Variants in CYP2C19 observed in about 807,000 individuals in gnomAD.
CYP2C19 encodes the protein cytochrome P450 family 2 subfamily C member 19, also known as cytochrome P450 2C19.
CYP2C19 carries 59 observed loss-of-function variants against 40.9 expected under a neutral mutation model. The observed-to-expected ratio is 1.44, with a 90% CI of 1.17 to 1.79. The LOEUF (loss-of-function observed/expected upper bound fraction) is 1.79. Ranked by LOEUF, CYP2C19 falls within the 40% of genes most tolerant of loss-of-function variation. CYP2C19 has a pLI of 0.00. For missense variants in CYP2C19, 754 were observed against 596.9 expected (o/e 1.26, Z -2.74); for synonymous variants, 253 against 208.7 (o/e 1.21, Z -1.83).
intron 5 of CYP2C19, among the ~76,000 whole-genome samples, chr10:94,792,250 G>A (rs950247071): frequency 1.3e-5 from 2 of 152,068 alleles, no homozygotes; most frequent in African/African-American, 2.4e-5. Context: ...TTGAGCCTAT[G>A]TGTGTCTGCA....
At position 94,839,377 on chromosome 10, in the gene CYP2C19, C is replaced by A. The variant is rs1375823555; in HGVS notation, c.962-3460C>A. Among the ~76,000 whole-genome samples, 8 of 152,116 alleles carry A rather than the reference C, an allele frequency of 5.3e-5. No homozygotes were observed. The East Asian group carries it at 1.2e-3, about 22-fold the overall frequency. On this transcript the variant is annotated intron_variant, in intron 6 of 8. Coordinates refer to ENST00000371321, the MANE Select transcript of CYP2C19 (RefSeq NM_000769.4). ...ACTTATGCTTACCGATGTAGCAGTC[C>A]TGCAACTGTTTTTCCTGCCTTTCTT...
At chr10:94,797,863 T>A (rs986191522) in intron 5 of CYP2C19, among the ~76,000 whole-genome samples, 2 of 152,256 alleles carry the variant, frequency 1.3e-5, no homozygotes, top group South Asian at 2.1e-4. Context: ...TTATTACATC[T>A]ATTTGATTCT....
At chr10:94,834,818 G>C (rs1410824482) in intron 6 of CYP2C19, among the ~76,000 whole-genome samples, 1 of 152,184 alleles carries the variant, frequency 6.6e-6, no homozygotes, top group African/African-American at 2.4e-5. Flanking sequence ...GTGTTTAAAG[G>C]TGGAAGTGGT....
intron 5 of CYP2C19, 114 bp from the exon 6 acceptor site, chr10:94,820,382 C>A: frequency 8.1e-7 from 1 of 1,233,384 alleles, no homozygotes; most frequent in Non-Finnish European, 1.2e-6. Context: ...TTTTCTAGTA[C>A]TATACTTTAC....
intron 7 of CYP2C19, among the ~76,000 whole-genome samples, chr10:94,843,234 C>G (rs946866035): frequency 1.3e-5 from 2 of 152,086 alleles, no homozygotes; most frequent in Non-Finnish European, 2.9e-5. Flanking sequence ...CAGATTTATT[C>G]TTTCTTCAAG....
intron 5 of CYP2C19, among the ~76,000 whole-genome samples, chr10:94,782,723 A>G (rs553445576): frequency 3.9e-5 from 6 of 152,294 alleles, no homozygotes; most frequent in Admixed American, 2.0e-4. Flanking sequence ...ATGTACATCA[A>G]TGACAGACTG....
intron 6 of CYP2C19, among the ~76,000 whole-genome samples, chr10:94,824,554 C>T (rs1255764858): frequency 6.6e-6 from 1 of 152,160 alleles, no homozygotes; most frequent in African/African-American, 2.4e-5. Context: ...GTTAGCATAA[C>T]TTAATGTTTA....
chr10:94,832,952 G>A (rs1465078214), intron 6 of CYP2C19, among the ~76,000 whole-genome samples: 1 of 151,942 alleles, frequency 6.6e-6, no homozygotes, highest in African/African-American at 2.4e-5. Flanking sequence ...GTGCTTTATA[G>A]TTTTCATTAC....
intron 5 of CYP2C19, among the ~76,000 whole-genome samples, chr10:94,811,187 A>G (rs376166178): frequency 1.1e-4 from 17 of 152,092 alleles, no homozygotes; most frequent in Non-Finnish European, 4.4e-5. Context: ...GTAGTTGTGC[A>G]GTTTTGAGTG....
chr10:94,827,206 T>C (rs935167232), intron 6 of CYP2C19, among the ~76,000 whole-genome samples: 1 of 151,954 alleles, frequency 6.6e-6, no homozygotes, highest in African/African-American at 2.4e-5. Context: ...TCCCTCTTTT[T>C]CTATTGATTG....
intron 5 of CYP2C19, among the ~76,000 whole-genome samples, chr10:94,807,135 C>T (rs1019231018): frequency 1.3e-5 from 2 of 152,070 alleles, no homozygotes; most frequent in Non-Finnish European, 2.9e-5. Flanking sequence ...TAAGAACATG[C>T]GTTATTTATC....
At chr10:94,786,797 T>C (rs1018123561) in intron 5 of CYP2C19, among the ~76,000 whole-genome samples, 65 of 152,174 alleles carry the variant, frequency 4.3e-4, no homozygotes, top group Admixed American at 4.1e-3. Flanking sequence ...ATTAATTCTC[T>C]CAAGACAATG....
intron 6 of CYP2C19, among the ~76,000 whole-genome samples, chr10:94,840,397 A>C (rs1849473853): frequency 6.6e-6 from 1 of 151,800 alleles, no homozygotes; most frequent in Admixed American, 6.6e-5. Context: ...TGTATACCTA[A>C]ATCAGGAGGG....
rs111315047 is a variant in CYP2C19 at position 94,764,639 on chromosome 10, G to A, written c.168+1766G>A. On this transcript the variant is annotated intron_variant, in intron 1 of 8. Transcript: ENST00000371321. ...GGGTCCTGCAGTTGTAGTGTCCTCCGGAGGGGAACTCTTTAGGCCAGTGAA... is the reference window on the plus strand; with the variant it reads ...GGGTCCTGCAGTTGTAGTGTCCTCCAGAGGGGAACTCTTTAGGCCAGTGAA... Among the ~76,000 whole-genome samples the A allele has an allele frequency of 5.8e-3, 881 of 152,220 alleles. 13 individuals are homozygous for A. The highest frequency in any genetic ancestry group is 0.019 in the African/African-American group (790 of 41,520).
chr10:94,782,053 G>T, intron 5 of CYP2C19, 56 bp downstream of exon 5: 2 of 1,428,486 alleles, frequency 1.4e-6, no homozygotes, highest in South Asian at 2.9e-5. Flanking sequence ...GTGATTCATT[G>T]ACTAGTTTTG....
At position 94,812,992 on chromosome 10, in the gene CYP2C19, T is replaced by C. The variant is rs534353510; in HGVS notation, c.820-7504T>C. Among the ~76,000 whole-genome samples, 26 of 151,652 alleles carry C rather than the reference T, an allele frequency of 1.7e-4. No individual in the cohort carries two copies. In the South Asian group the frequency reaches 4.6e-3, roughly 27 times the overall value. ...TTTTTGTGCTGTTTTTTTTTTCTCATATTTGTGGATTTATCTACCTCTTGT... is the reference window on the plus strand; with the variant it reads ...TTTTTGTGCTGTTTTTTTTTTCTCACATTTGTGGATTTATCTACCTCTTGT... On this transcript the variant is annotated intron_variant, in intron 5 of 8. Coordinates refer to ENST00000371321, the MANE Select transcript of CYP2C19 (RefSeq NM_000769.4).
At chr10:94,773,899 C>T (rs1453973577) in intron 1 of CYP2C19, 2 of 152,186 alleles carry the variant, frequency 1.3e-5, no homozygotes, top group Non-Finnish European at 2.9e-5. Flanking sequence ...TTATTTGCCC[C>T]ACCCATGTCC....
intron 6 of CYP2C19, among the ~76,000 whole-genome samples, chr10:94,828,819 G>T (rs1318286565): frequency 6.6e-6 from 1 of 152,146 alleles, no homozygotes; most frequent in East Asian, 1.9e-4. Flanking sequence ...TCCTTTCCAT[G>T]ATTAGTGCTT....
intron 6 of CYP2C19, among the ~76,000 whole-genome samples, chr10:94,831,989 C>A (rs138035025): frequency 1.5e-4 from 23 of 152,236 alleles, no homozygotes; most frequent in African/African-American, 5.3e-4. Flanking sequence ...AGACCAATGT[C>A]CTGGAGATGT....
Sources: gnomAD v4.1 joint callset for allele counts (sites outside exome capture counted in the v4.1 genomes callset) on GRCh38, gnomAD v4.1.1 for gene constraint, MANE v1.5 for transcripts, NCBI Gene and HGNC (gene_info 2026-07-23, HGNC 2026-07-21) for gene names.